Variants in CTNND2 observed in about 807,000 individuals in gnomAD.
The protein encoded by CTNND2 is catenin delta 2.
In CTNND2, 22 loss-of-function variants were observed where a neutral mutation model predicts 144.4. The ratio of observed to expected loss-of-function variants is 0.15; its 90% CI spans 0.11 to 0.22. The LOEUF is 0.22. Ranked by LOEUF, CTNND2 falls within the 10% of genes least tolerant of loss-of-function variation. The pLI, the probability that CTNND2 is intolerant of heterozygous loss-of-function variation, is 1.00. For synonymous variants in CTNND2, 751 were observed against 695.6 expected (o/e 1.08, Z -1.25); for missense variants, 1,353 against 1,618.8 (o/e 0.84, Z 2.82).
rs1226938552 is a variant in CTNND2, at chr5:11,384,911, A to C, written c.931T>G (p.Tyr311Asp). ...KQSPSRLAKS[Y>D]STSSPINIVV... ...ATGTTGATGGGCGAGCTGGTGCTGT[A>C]GGACTTGGCCAGGCGGCTGGGCGAC... Residue 311 changes from tyrosine to aspartate, a missense_variant, in exon 7 of 22, where the codon TAC becomes GAC. Tyr to Asp is a radical substitution (Grantham distance 160, BLOSUM62 -3). Around this residue, in one of 4 missense-constraint regions of CTNND2, gnomAD observed 708 missense variants for 706.4 expected, o/e 1.00. Transcript: ENST00000304623. The surrounding 1 kb of genome is among the most constrained non-coding windows in gnomAD (Gnocchi z 5.2). 6.2e-7 allele frequency: 1 copy of C among 1,608,048 alleles called. No individual in the cohort carries two copies. Among genetic ancestry groups the C allele is most frequent in the Admixed American group, 1.7e-5 (1 of 59,526 alleles).
chr5:11,557,629 TG>T (rs1318038277), intron 3 of CTNND2, among the ~76,000 whole-genome samples: 1 of 152,210 alleles, frequency 6.6e-6, no homozygotes, highest in African/African-American at 2.4e-5. Flanking sequence ...AAAGGACTTG[TG>T]TGATTAGGTC....
intron 1 of CTNND2, among the ~76,000 whole-genome samples, chr5:11,793,049 T>G (rs1791219587): frequency 6.6e-6 from 1 of 152,216 alleles, no homozygotes; most frequent in African/African-American, 2.4e-5. Flanking sequence ...TGCAATCAAT[T>G]TTCATAATTT....
chr5:11,569,396 A>C (rs1777383575), intron 2 of CTNND2, among the ~76,000 whole-genome samples: 1 of 152,216 alleles, frequency 6.6e-6, no homozygotes, highest in Non-Finnish European at 1.5e-5. Context: ...TTCATCCTAG[A>C]ATAGCACATT....
intron 8 of CTNND2, among the ~76,000 whole-genome samples, chr5:11,349,269 T>C (rs1055004974): frequency 1.4e-4 from 22 of 152,286 alleles, no homozygotes; most frequent in Admixed American, 5.2e-4. Context: ...ACACTTGGCA[T>C]TGGGGAGAAA....
intron 9 of CTNND2, among the ~76,000 whole-genome samples, chr5:11,260,502 A>G (rs1744752053): frequency 6.6e-6 from 1 of 152,238 alleles, no homozygotes; most frequent in Non-Finnish European, 1.5e-5. Context: ...ATATGTAAAA[A>G]GAGGACAATC....
chr5:11,373,715 G>T (rs1581044137), intron 7 of CTNND2, among the ~76,000 whole-genome samples: 1 of 152,334 alleles, frequency 6.6e-6, no homozygotes, highest in South Asian at 2.1e-4. Context: ...GGGGCTAGAT[G>T]TAGGATCTTG....
chr5:11,779,432 A>G (rs1415423770), intron 1 of CTNND2, among the ~76,000 whole-genome samples: 2 of 152,232 alleles, frequency 1.3e-5, no homozygotes, highest in Non-Finnish European at 2.9e-5. Flanking sequence ...TATGGAAGCA[A>G]GCCCTGTTGA....
chr5:11,268,186 A>G (rs941107037), intron 9 of CTNND2, among the ~76,000 whole-genome samples: 4 of 152,258 alleles, frequency 2.6e-5, no homozygotes, highest in African/African-American at 9.6e-5. Context: ...CCTTTTCCAC[A>G]TGGATATTTA....
intron 1 of CTNND2, among the ~76,000 whole-genome samples, chr5:11,809,489 T>G (rs1047622703): frequency 6.6e-6 from 1 of 152,224 alleles, no homozygotes; most frequent in African/African-American, 2.4e-5. Context: ...TGCCACAGGA[T>G]AGCCATAAAC....
chr5:11,594,128 G>T (rs922123294), intron 2 of CTNND2, among the ~76,000 whole-genome samples: 4 of 152,182 alleles, frequency 2.6e-5, no homozygotes, highest in African/African-American at 9.7e-5. Context: ...AATGCTGTCA[G>T]TCCCAACTGA....
intron 9 of CTNND2, among the ~76,000 whole-genome samples, chr5:11,271,447 A>G (rs867463361): frequency 6.6e-5 from 10 of 152,220 alleles, no homozygotes; most frequent in African/African-American, 2.4e-4. Flanking sequence ...GCTTTCTTTC[A>G]TGATTTTAAT....
intron 20 of CTNND2, among the ~76,000 whole-genome samples, chr5:10,982,083 C>T (rs906620229): frequency 6.6e-6 from 1 of 152,204 alleles, no homozygotes; most frequent in African/African-American, 2.4e-5. Flanking sequence ...GTTCACATCA[C>T]AGACAGGGTC....
At chr5:11,425,371 C>T (rs1483169165) in intron 3 of CTNND2, among the ~76,000 whole-genome samples, 1 of 152,124 alleles carries the variant, frequency 6.6e-6, no homozygotes, top group Admixed American at 6.5e-5. Flanking sequence ...TGTTGCCTTC[C>T]ATATTTATTG....
At chr5:11,789,018 G>C (rs1337330477) in intron 1 of CTNND2, among the ~76,000 whole-genome samples, 1 of 152,138 alleles carries the variant, frequency 6.6e-6, no homozygotes, top group Non-Finnish European at 1.5e-5. Flanking sequence ...ACCACAATGA[G>C]ATACCATCTC....
chr5:11,828,930 G>A (rs1182253524), intron 1 of CTNND2, among the ~76,000 whole-genome samples: 1 of 152,132 alleles, frequency 6.6e-6, no homozygotes, highest in Non-Finnish European at 1.5e-5. Flanking sequence ...GGACAATAAA[G>A]TCCAGGCAGA....
intron 1 of CTNND2, among the ~76,000 whole-genome samples, chr5:11,785,470 T>C (rs750782187): frequency 6.6e-6 from 1 of 152,172 alleles, no homozygotes; most frequent in Non-Finnish European, 1.5e-5. Context: ...TAAGTTCCAA[T>C]TTAAAGTGAA....
chr5:11,107,723 A>G (rs1218055842), intron 14 of CTNND2, among the ~76,000 whole-genome samples: 1 of 152,240 alleles, frequency 6.6e-6, no homozygotes, highest in Non-Finnish European at 1.5e-5. Flanking sequence ...ATACTGACTA[A>G]CAGTGAGATA....
intron 1 of CTNND2, among the ~76,000 whole-genome samples, chr5:11,861,563 T>C (rs2127026478): frequency 6.6e-6 from 1 of 152,308 alleles, no homozygotes; most frequent in South Asian, 2.1e-4. Flanking sequence ...TCCAAACCGA[T>C]GTCATCTTTT....
At chr5:11,781,633 T>C (rs1790545760) in intron 1 of CTNND2, among the ~76,000 whole-genome samples, 1 of 152,242 alleles carries the variant, frequency 6.6e-6, no homozygotes, top group Non-Finnish European at 1.5e-5. Flanking sequence ...CCTCTGTTTT[T>C]GTGTTTTGTT....
Sources: gnomAD v4.1 joint callset for allele counts (sites outside exome capture counted in the v4.1 genomes callset) on GRCh38, gnomAD v4.1.1 for gene constraint, gnomAD v4.1.1 regional missense constraint, Gnocchi (gnomAD v3.1) non-coding constraint, MANE v1.5 for transcripts, NCBI Gene and HGNC (gene_info 2026-07-23, HGNC 2026-07-21) for gene names.